Variants in DFFB observed in about 807,000 individuals in gnomAD.
DFFB encodes the protein DNA fragmentation factor subunit beta, also known as DNA fragmentation factor 40 kDa subunit.
Under a neutral mutation model 32.7 loss-of-function variants are expected in DFFB, and 29 were observed. The ratio of observed to expected loss-of-function variants is 0.89; its 90% CI spans 0.66 to 1.21. The LOEUF (loss-of-function observed/expected upper bound fraction) is 1.21, where lower values mean the gene tolerates loss of function less well. Ranked by LOEUF, DFFB falls within the 50% of genes most tolerant of loss-of-function variation. The pLI is 0.00. For synonymous variants in DFFB, 170 were observed against 177.1 expected (o/e 0.96, Z 0.32); for missense variants, 398 against 440.6 (o/e 0.90, Z 0.87).
intron 5 of DFFB, 85 bp from the exon 6 acceptor site, chr1:3,872,387 T>TG (rs1331600944): frequency 2.9e-5 from 29 of 1,006,468 alleles, no homozygotes; most frequent in Non-Finnish European, 2.9e-5. Context: ...CACTCCAGCC[T>TG]GGCGACAGAG....
intron 1 of DFFB, 106 bp from the exon 2 acceptor site, chr1:3,858,612 C>G: frequency 5.7e-6 from 8 of 1,415,064 alleles, no homozygotes; most frequent in Non-Finnish European, 7.7e-6. Flanking sequence ...GCAGCCTGAG[C>G]CTGCTTCTTT....
chr1:3,859,194 T>C (rs1255865168), intron 2 of DFFB, among the ~76,000 whole-genome samples: 7 of 152,000 alleles, frequency 4.6e-5, no homozygotes, highest in Admixed American at 1.3e-4. Context: ...CAGGAAGAGA[T>C]GCTGTTCTGT....
chr1:3,872,633 G>GCCCTGTCCCTGCCGCGC, intron 6 of DFFB, 61 bp downstream of exon 6: 1 of 1,453,038 alleles, frequency 6.9e-7, no homozygotes, highest in East Asian at 2.3e-5. Context: ...CCCTGCCGTG[G>GCCCTGTCCCTGCCGCGC]CCCTGTCCCT....
intron 2 of DFFB, among the ~76,000 whole-genome samples, chr1:3,861,153 C>A (rs377493141): frequency 7.3e-3 from 896 of 122,716 alleles, no homozygotes; most frequent in East Asian, 8.5e-3. Context: ...GACTCCATCT[C>A]AAAAAAAAAA....
chr1:3,862,651 G>T (rs933914105), intron 2 of DFFB, among the ~76,000 whole-genome samples: 1 of 152,180 alleles, frequency 6.6e-6, no homozygotes, highest in African/African-American at 2.4e-5. Flanking sequence ...ACATACAAAA[G>T]AATGAAGTTG....
chr1:3,866,199 G>C (rs1644976865), intron 3 of DFFB, 199 bp downstream of exon 3: 2 of 693,780 alleles, frequency 2.9e-6, no homozygotes, highest in Non-Finnish European at 5.2e-6. Flanking sequence ...ACTCAGGTGG[G>C]GCCAGAGTCC....
chr1:3,863,971 T>A (rs1644926169), intron 2 of DFFB, among the ~76,000 whole-genome samples: 1 of 152,066 alleles, frequency 6.6e-6, no homozygotes, highest in African/African-American at 2.4e-5. Flanking sequence ...TTTATTTATT[T>A]TATTTATTTT....
In DFFB at chr1:3,874,304, G is replaced by A. The variant is rs1008503686; in HGVS notation, c.782+1732G>A. On this transcript the variant is annotated intron_variant, in intron 6 of 6. Transcript: ENST00000378209. ...GTGTAGCTGCACCTTTACCACACGC[G>A]TGTGGGTTTAACATGCACATACGTG... 1.4e-4 allele frequency among the ~76,000 whole-genome samples: 17 copies of A among 124,464 alleles called. No homozygotes were observed. The South Asian group carries it at 1.9e-3, about 14-fold the overall frequency. 81.7% of individuals were successfully genotyped at this position (124,464 alleles called of 152,430 possible).
chr1:3,857,701 G>A lies in DFFB; in HGVS notation c.98G>A (p.Gly33Asp). ...GRSCQEVLRK[G>D]CLRFQLPERG... ...AGCTGCCAGGAGGTGCTGCGCAAGG[G>A]CTGTCTCCGCTTCCAGGTGCCCGCT... is the stretch of plus-strand genomic sequence containing the variant. Residue 33 changes from glycine to aspartate, a missense_variant, in exon 1 of 7, where the codon GGC becomes GAC. Coordinates refer to ENST00000378209, the MANE Select transcript of DFFB (RefSeq NM_004402.4). 6.5e-7 allele frequency: 1 copy of A among 1,549,156 alleles called. No individual in the cohort carries two copies. The highest frequency in any genetic ancestry group is 2.0e-5 in the Admixed American group (1 of 51,268).
rs755948862 is a variant in DFFB at position 3,857,667 on chromosome 1, G to T, written c.64G>T (p.Ala22Ser). 4 of 1,594,620 alleles carry T rather than the reference G, an allele frequency of 2.5e-6. No individual in the cohort carries two copies. The highest frequency in any genetic ancestry group is 3.4e-6 in the Non-Finnish European group (4 of 1,171,508). The part of the protein sequence containing the change: ...ALRSPRKFGV[A>S]GRSCQEVLRK... ...GCGCAGCCCGAGGAAGTTCGGCGTG[G>T]CTGGCCGGAGCTGCCAGGAGGTGCT... The change falls in exon 1 of 7, where the codon GCT (alanine) becomes TCT (serine). Residue 22 changes from alanine to serine, a missense_variant. Transcript: ENST00000378209.
chr1:3,871,350 G>C (rs759243824), intron 5 of DFFB, among the ~76,000 whole-genome samples: 1 of 152,126 alleles, frequency 6.6e-6, no homozygotes, highest in Non-Finnish European at 1.5e-5. Context: ...GCAGTGGTGC[G>C]ATCTCGGCTC....
rs1225457006 is a variant in DFFB, at chr1:3,858,596, C to A, written c.115-122C>A. On this transcript the variant is annotated intron_variant, in intron 1 of 6. Coordinates refer to ENST00000378209, the MANE Select transcript of DFFB (RefSeq NM_004402.4). ...TGGGCGTTGGAGCGACTGTGGCATA[C>A]AGGCGGCAGCCTGAGCCTGCTTCTT... The A allele has an allele frequency of 2.3e-5, 29 of 1,265,664 alleles. No homozygotes were observed. In the East Asian group the frequency reaches 6.2e-4, roughly 27 times the overall value. 78.4% of individuals were successfully genotyped at this position (1,265,664 alleles called of 1,614,324 possible).
intron 2 of DFFB, among the ~76,000 whole-genome samples, chr1:3,864,234 G>A (rs1227444882): frequency 6.6e-6 from 1 of 152,096 alleles, no homozygotes; most frequent in African/African-American, 2.4e-5. Context: ...GAAAGTGCTG[G>A]GATTACAGGC....
intron 6 of DFFB, 64 bp downstream of exon 6, chr1:3,872,636 C>CTGTCCCTGCCGCGGCCA: frequency 7.0e-7 from 1 of 1,422,074 alleles, no homozygotes; most frequent in Non-Finnish European, 9.9e-7. Flanking sequence ...TGCCGTGGCC[C>CTGTCCCTGCCGCGGCCA]TGTCCCTGCC....
intron 6 of DFFB, among the ~76,000 whole-genome samples, chr1:3,873,999 C>A (rs1354795913): frequency 6.7e-6 from 1 of 150,050 alleles, no homozygotes; most frequent in Admixed American, 6.7e-5. Flanking sequence ...CTACACCTTG[C>A]CCCGAGGGAA....
intron 6 of DFFB, among the ~76,000 whole-genome samples, chr1:3,880,723 C>T (rs140505962): frequency 2.0e-4 from 30 of 151,694 alleles, no homozygotes; most frequent in Admixed American, 3.3e-4. Context: ...TGTTTGGGCC[C>T]GGAGCTCGCT....
intron 2 of DFFB, among the ~76,000 whole-genome samples, chr1:3,863,404 C>G (rs918344461): frequency 1.3e-5 from 2 of 152,122 alleles, no homozygotes; most frequent in Middle Eastern, 3.2e-3. Flanking sequence ...AACCCTCAGG[C>G]CCCATTGATG....
intron 6 of DFFB, among the ~76,000 whole-genome samples, chr1:3,879,770 G>A (rs1645299585): frequency 2.0e-5 from 3 of 152,072 alleles, no homozygotes; most frequent in African/African-American, 4.8e-5. Context: ...CATTCTGTCC[G>A]CTGAGTACAT....
At chr1:3,877,837 G>A (rs577713284) in intron 6 of DFFB, among the ~76,000 whole-genome samples, 4 of 110,814 alleles carry the variant, frequency 3.6e-5, no homozygotes, top group Admixed American at 1.9e-4. Context: ...CCACTGTGCC[G>A]GCTTTCTATT....
Sources: allele counts gnomAD v4.1 joint callset (sites outside exome capture counted in the v4.1 genomes callset), GRCh38; gene constraint gnomAD v4.1.1; transcripts MANE v1.5; gene names NCBI Gene and HGNC (gene_info 2026-07-23, HGNC 2026-07-21).